NPAS2: variants seen among roughly 807,000 people sequenced by gnomAD.
NPAS2 encodes the protein neuronal PAS domain-containing protein 2.
NPAS2 carries 23 observed loss-of-function variants against 107.5 expected under a neutral mutation model. The ratio of observed to expected loss-of-function variants is 0.21; its 90% CI spans 0.15 to 0.30. The LOEUF is 0.30. NPAS2 is among the 10% of genes least tolerant of loss of function. The pLI is 1.00. For missense variants in NPAS2, 756 were observed against 1,043.3 expected, an observed-to-expected ratio of 0.72 and a Z score of 3.79; for synonymous variants, 403 against 417.5, an observed-to-expected ratio of 0.97 and a Z score of 0.42.
At chr2:100,918,149 CGTTAT>C (rs757052787) in intron 2 of NPAS2, among the ~76,000 whole-genome samples, 7 of 151,418 alleles carry the variant, frequency 4.6e-5, no homozygotes, top group African/African-American at 1.5e-4. Flanking sequence ...CAATGTAATC[CGTTAT>C]GTTATGAAGT....
At chr2:100,919,880 G>C (rs1337926873) in intron 2 of NPAS2, among the ~76,000 whole-genome samples, 1 of 152,090 alleles carries the variant, frequency 6.6e-6, no homozygotes, top group Non-Finnish European at 1.5e-5. Flanking sequence ...CACCCTTGGC[G>C]ATTCGTTGGA....
At chr2:100,941,262 A>G (rs1031947194) in intron 5 of NPAS2, among the ~76,000 whole-genome samples, 6 of 152,226 alleles carry the variant, frequency 3.9e-5, no homozygotes, top group African/African-American at 9.6e-5. Context: ...TGAAAGTGAA[A>G]GTGATTTTAA....
intron 1 of NPAS2, among the ~76,000 whole-genome samples, chr2:100,887,981 C>T (rs747898149): frequency 2.0e-5 from 3 of 152,242 alleles, no homozygotes; most frequent in African/African-American, 2.4e-5. Flanking sequence ...CTTTCCGAGT[C>T]ATACAGATGG....
rs1047021118 is a variant in NPAS2 at position 100,974,725 on chromosome 2, T to TA, written c.1141-77dup. 6.7e-6 allele frequency: 10 copies of TA among 1,485,944 alleles called. No homozygotes were observed. The African/African-American group carries it at 1.4e-4, about 21-fold the overall frequency. The allele number at this position is 1,485,944 out of a possible 1,614,324, so 92.0% of individuals were successfully genotyped here. On this transcript the variant is annotated intron_variant, in intron 12 of 20. Transcript: ENST00000335681. ...TCAGCAGCTTCTGAGGTTGTCGACA[T>TA]ATTTAGAACTAAAGTCACGCCCACT...
chr2:100,962,445 A>G (rs1259838186), intron 7 of NPAS2, among the ~76,000 whole-genome samples: 1 of 152,226 alleles, frequency 6.6e-6, no homozygotes, highest in African/African-American at 2.4e-5. Context: ...TCCAGTTCAG[A>G]ATGTGCAGGA....
intron 11 of NPAS2, among the ~76,000 whole-genome samples, chr2:100,970,229 C>T (rs1018340643): frequency 2.6e-5 from 4 of 152,196 alleles, no homozygotes; most frequent in Non-Finnish European, 5.9e-5. Flanking sequence ...GAAGGCTGGG[C>T]AGCACTCACC....
chr2:100,971,298 C>CAAAAAAAAAA (rs35040339), intron 12 of NPAS2, among the ~76,000 whole-genome samples: 2 of 102,554 alleles, frequency 2.0e-5, no homozygotes, highest in African/African-American at 7.6e-5. Context: ...GACTCTATCT[C>CAAAAAAAAAA]AAAAAAAAAA....
chr2:100,966,289 C>T (rs193194506), intron 10 of NPAS2, among the ~76,000 whole-genome samples: 9 of 152,194 alleles, frequency 5.9e-5, no homozygotes, highest in African/African-American at 2.2e-4. Context: ...ACACAGCATA[C>T]TGGGGGACTC....
At chr2:100,988,705 T>C in intron 17 of NPAS2, 1 of 331,514 alleles carries the variant, frequency 3.0e-6, no homozygotes, top group East Asian at 1.1e-4. Context: ...TCACTGTCCC[T>C]TGCCCCAGGT....
chr2:100,964,415 G>A (rs557586413), intron 8 of NPAS2, among the ~76,000 whole-genome samples: 4 of 152,176 alleles, frequency 2.6e-5, no homozygotes, highest in Non-Finnish European at 5.9e-5. Flanking sequence ...AGTGCTGTCT[G>A]ATAACTGTAA....
At chr2:100,840,412 G>T (rs1314274858) in intron 1 of NPAS2, among the ~76,000 whole-genome samples, 1 of 152,074 alleles carries the variant, frequency 6.6e-6, no homozygotes. Context: ...TTATTGAACT[G>T]CGCTGAAGGA....
chr2:100,882,565 A>T (rs147576419), intron 1 of NPAS2, among the ~76,000 whole-genome samples: 2,903 of 152,340 alleles, frequency 0.019, 100 homozygotes, highest in African/African-American at 0.066. Context: ...GTGAGCCGAG[A>T]TCGCACCACT....
chr2:100,819,797 CCCT>C (rs1328361760), upstream of NPAS2, among the ~76,000 whole-genome samples: 2 of 152,066 alleles, frequency 1.3e-5, no homozygotes, highest in African/African-American at 4.8e-5. The surrounding 1 kb of genome is among the most constrained non-coding windows in gnomAD (Gnocchi z 5.8). Context: ...CACAACCCCC[CCCT>C]CCCCCAGCCC....
At chr2:100,993,657 C>T in intron 20 of NPAS2, 130 bp downstream of exon 20, 4 of 666,160 alleles carry the variant, frequency 6.0e-6, no homozygotes, top group South Asian at 5.1e-5. Context: ...AAGTAAGCCC[C>T]AGAAAGATTG....
At chr2:100,861,619 C>T (rs1347458743) in intron 1 of NPAS2, among the ~76,000 whole-genome samples, 2 of 152,076 alleles carry the variant, frequency 1.3e-5, no homozygotes, top group African/African-American at 2.4e-5. Context: ...AGGAAGGAGG[C>T]CTGGGCTGGA....
rs771423155 is a variant in NPAS2, at chr2:100,993,329, C to T, written c.2112-18C>T. The stretch of plus-strand genomic sequence containing the variant: ...TGCTTTCTTAAAGGACCTGTTTTCT[C>T]CTTCCCACGTGAAACAGGTACGCCC... On this transcript the variant is annotated intron_variant, in intron 19 of 20. Transcript: ENST00000335681. The T allele has an allele frequency of 2.6e-6, 4 of 1,544,484 alleles. No individual in the cohort carries two copies. In the African/African-American group the frequency reaches 4.1e-5, roughly 16 times the overall value.
intron 1 of NPAS2, among the ~76,000 whole-genome samples, chr2:100,842,557 C>T (rs1428760057): frequency 6.6e-6 from 1 of 152,160 alleles, no homozygotes; most frequent in Non-Finnish European, 1.5e-5. Flanking sequence ...GACCCAGCTG[C>T]CTCCTCTTTC....
intron 2 of NPAS2, 77 bp downstream of exon 2, chr2:100,904,863 T>A: frequency 9.2e-7 from 1 of 1,088,492 alleles, no homozygotes; most frequent in Non-Finnish European, 1.4e-6. Flanking sequence ...TCGCTGGCTT[T>A]CACTCTGTGC....
intron 1 of NPAS2, among the ~76,000 whole-genome samples, chr2:100,843,308 C>A (rs1026504865): frequency 2.6e-5 from 4 of 152,114 alleles, no homozygotes; most frequent in African/African-American, 9.7e-5. Flanking sequence ...TGATCAAAGT[C>A]CAAAGTCTCT....
Sources: gnomAD v4.1 joint callset for allele counts (sites outside exome capture counted in the v4.1 genomes callset) on GRCh38, gnomAD v4.1.1 for gene constraint, Gnocchi (gnomAD v3.1) non-coding constraint, MANE v1.5 for transcripts, NCBI Gene and HGNC (gene_info 2026-07-23, HGNC 2026-07-21) for gene names.